ZSCAN25: variants seen among roughly 807,000 people sequenced by gnomAD.
ZSCAN25 encodes the protein zinc finger and SCAN domain-containing protein 25.
Under a neutral mutation model 38.7 loss-of-function variants are expected in ZSCAN25, and 27 were observed. That is an observed-to-expected ratio of 0.70 (90% CI 0.51 to 0.96). The LOEUF (loss-of-function observed/expected upper bound fraction) is 0.96, where lower values mean the gene tolerates loss of function less well. Ranked by LOEUF, ZSCAN25 falls within the 40% of genes least tolerant of loss-of-function variation. The pLI, the probability that ZSCAN25 is intolerant of heterozygous loss-of-function variation, is 0.00. For missense variants in ZSCAN25, 637 were observed against 705.9 expected (o/e 0.90, Z 1.11); for synonymous variants, 273 against 277.7 (o/e 0.98, Z 0.17).
chr7:99,703,496 G>A, the ZSCAN25 span, among the ~76,000 whole-genome samples: 3 of 152,116 alleles, frequency 2.0e-5, no homozygotes, highest in African/African-American at 4.8e-5. Flanking sequence ...ACAAACACAT[G>A]TATACATTTC....
the ZSCAN25 span, among the ~76,000 whole-genome samples, chr7:99,732,690 C>A: frequency 1.9e-4 from 29 of 152,278 alleles, no homozygotes; most frequent in African/African-American, 5.8e-4. Context: ...AGCCAGCCAT[C>A]AATTCAACCA....
the ZSCAN25 span, chr7:99,665,340 T>G: frequency 1.2e-5 from 20 of 1,613,616 alleles, no homozygotes; most frequent in Non-Finnish European, 1.7e-5. Context: ...TATGGAAAAT[T>G]AAAATCAGCA....
chr7:99,622,399 A>C, intron 5 of ZSCAN25, 150 bp from the exon 6 acceptor site: 2 of 760,390 alleles, frequency 2.6e-6, no homozygotes, highest in South Asian at 2.8e-5. Flanking sequence ...TGTGCATGGG[A>C]AAGTGTGGTA....
the ZSCAN25 span, chr7:99,660,771 AT>A: frequency 7.7e-7 from 1 of 1,301,506 alleles, no homozygotes; most frequent in Non-Finnish European, 1.1e-6. Context: ...TGGAAAAGCA[AT>A]TCAAAGTCAC....
At chr7:99,662,272 T>TA in the ZSCAN25 span, among the ~76,000 whole-genome samples, 1 of 152,248 alleles carries the variant, frequency 6.6e-6, no homozygotes, top group East Asian at 1.9e-4. This position sits in a 1 kb window ranked among gnomAD's most constrained non-coding sequence, Gnocchi z 4.3. Flanking sequence ...ATAATGGTTT[T>TA]GGTTAAAACC....
chr7:99,709,667 G>A, the ZSCAN25 span, among the ~76,000 whole-genome samples: 1 of 152,054 alleles, frequency 6.6e-6, no homozygotes, highest in African/African-American at 2.4e-5. Flanking sequence ...GATAGAAAAA[G>A]CAAATTCTCT....
At chr7:99,669,501 A>G in the ZSCAN25 span, among the ~76,000 whole-genome samples, 1 of 152,224 alleles carries the variant, frequency 6.6e-6, no homozygotes, top group Non-Finnish European at 1.5e-5. Context: ...GATGTGGTAG[A>G]TATTATTTGC....
the ZSCAN25 span, among the ~76,000 whole-genome samples, chr7:99,709,554 A>G: frequency 6.6e-6 from 1 of 152,200 alleles, no homozygotes; most frequent in East Asian, 1.9e-4. Context: ...GGAAGCAAAC[A>G]TGACTAATAG....
At chr7:99,620,152 TCA>T in intron 4 of ZSCAN25, 159 bp downstream of exon 4, 2 of 1,118,188 alleles carry the variant, frequency 1.8e-6, no homozygotes, top group Non-Finnish European at 2.5e-6. Flanking sequence ...AGTGGCGTTT[TCA>T]GCAAGAAAGG....
chr7:99,678,749 T>C, the ZSCAN25 span, among the ~76,000 whole-genome samples: 7 of 152,256 alleles, frequency 4.6e-5, no homozygotes, highest in Admixed American at 3.9e-4. Flanking sequence ...TTGCCACAAC[T>C]CACTGAATTC....
Position 99,629,895 on chromosome 7 carries a change from C to A in ZSCAN25, c.1510C>A (p.His504Asn). ...CAGCAAAGGGGAGCGGCTGGTCCGA[C>A]ACCAGAGAATCCATACAGGGGAGAA... is the stretch of plus-strand genomic sequence containing the variant. ...RFSKGERLVRHQRIHTGEKPY... is the reference protein window; with the variant it reads ...RFSKGERLVRNQRIHTGEKPY... Residue 504 changes from histidine to asparagine, a missense_variant, in exon 8 of 8, where the codon CAC becomes AAC. By Grantham distance (68) the His-to-Asn change is moderately conservative. Transcript: ENST00000394152. The surrounding 1 kb of genome is among the most constrained non-coding windows in gnomAD (Gnocchi z 5.6). 6.2e-7 allele frequency: 1 copy of A among 1,614,226 alleles called. No individual in the cohort carries two copies. Among genetic ancestry groups the A allele is most frequent in the Non-Finnish European group, 8.5e-7 (1 of 1,180,026 alleles).
the ZSCAN25 span, among the ~76,000 whole-genome samples, chr7:99,655,329 A>C: frequency 6.6e-6 from 1 of 152,214 alleles, no homozygotes; most frequent in Non-Finnish European, 1.5e-5. Context: ...CATTTATTAA[A>C]TAGGGAATCC....
the ZSCAN25 span, chr7:99,665,200 T>C: frequency 6.2e-7 from 1 of 1,613,884 alleles, no homozygotes; most frequent in Non-Finnish European, 8.5e-7. Flanking sequence ...AGAAACCAAA[T>C]TTTAGGAACT....
chr7:99,660,498 C>T, the ZSCAN25 span: 1 of 1,609,634 alleles, frequency 6.2e-7, no homozygotes, highest in Non-Finnish European at 8.5e-7. Flanking sequence ...CATCCCCTCA[C>T]CTTATTGGGC....
chr7:99,651,361 A>G, the ZSCAN25 span, among the ~76,000 whole-genome samples: 19 of 152,216 alleles, frequency 1.2e-4, no homozygotes, highest in African/African-American at 3.9e-4. Context: ...CTCCCTGCCT[A>G]GCCAAGTTCC....
the ZSCAN25 span, among the ~76,000 whole-genome samples, chr7:99,655,470 T>G: frequency 6.6e-6 from 1 of 152,256 alleles, no homozygotes; most frequent in African/African-American, 2.4e-5. Context: ...CATGCTGTTT[T>G]GGTTACTGTA....
the ZSCAN25 span, among the ~76,000 whole-genome samples, chr7:99,701,493 A>G: frequency 4.1e-4 from 63 of 152,336 alleles, no homozygotes; most frequent in African/African-American, 1.5e-3. Flanking sequence ...TCTGGATCTT[A>G]TGATAGGTCC....
chr7:99,710,784 G>A, the ZSCAN25 span: 2 of 1,613,906 alleles, frequency 1.2e-6, no homozygotes, highest in Non-Finnish European at 1.7e-6. Flanking sequence ...CTGGACATCA[G>A]GGTGAGTGGC....
Position 99,621,438 on chromosome 7 carries a change from CATCCA to C in ZSCAN25, c.454_458del (p.Ile152AlafsTer9). The C allele has an allele frequency of 6.5e-7, 1 of 1,541,036 alleles. No individual in the cohort carries two copies. Among genetic ancestry groups the C allele is most frequent in the Non-Finnish European group, 8.8e-7 (1 of 1,138,046 alleles). On this transcript the variant is annotated frameshift_variant, in exon 5 of 8. Transcript: ENST00000394152. LOFTEE classifies it high-confidence loss of function. The stretch of plus-strand genomic sequence containing the variant: ...TTTGCAGAGGCGCTTGGGAGCCAGG[CATCCA>C]GCTGGGGCCAGTGGAGGTCAAGCCT...
Sources: allele counts gnomAD v4.1 joint callset (sites outside exome capture counted in the v4.1 genomes callset), GRCh38; gene constraint gnomAD v4.1.1; non-coding constraint Gnocchi (gnomAD v3.1); transcripts MANE v1.5; gene names NCBI Gene and HGNC (gene_info 2026-07-23, HGNC 2026-07-21).